The following CFAP92 variants were observed in gnomAD, a reference collection of about 807,000 sequenced individuals.
The protein encoded by CFAP92 is uncharacterized protein CFAP92.
CFAP92 carries 86 observed loss-of-function variants against 106.3 expected under a neutral mutation model. The observed-to-expected ratio is 0.81, with a 90% CI of 0.68 to 0.97. The LOEUF (loss-of-function observed/expected upper bound fraction) is 0.97, where lower values mean the gene tolerates loss of function less well. CFAP92 is among the 50% of genes least tolerant of loss of function. CFAP92 has a pLI of 0.00. For synonymous variants in CFAP92, 477 were observed against 506.4 expected, an observed-to-expected ratio of 0.94 and a Z score of 0.78; for missense variants, 1,204 against 1,283.8, an observed-to-expected ratio of 0.94 and a Z score of 0.95.
chr3:128,929,599 A>C (rs1938107525), intron 12 of CFAP92, among the ~76,000 whole-genome samples: 1 of 152,250 alleles, frequency 6.6e-6, no homozygotes, highest in Non-Finnish European at 1.5e-5. Flanking sequence ...AAAAAAGAAC[A>C]CACCGCTGAT....
upstream of CFAP92, among the ~76,000 whole-genome samples, chr3:129,003,572 A>G (rs1944905016): frequency 6.6e-6 from 1 of 150,832 alleles, no homozygotes; most frequent in Non-Finnish European, 1.5e-5. Context: ...GGGGTGGGGG[A>G]TGAGGAGGAA....
Position 128,962,641 on chromosome 3 carries a change from C to G in CFAP92, c.1353+2870G>C, listed in dbSNP as rs149724218. On this transcript the variant is annotated intron_variant, in intron 9 of 15. Coordinates refer to ENST00000645291, the MANE Select transcript of CFAP92 (RefSeq NM_001394090.1). ...CTCCTTGGCAACTGATCACGCACCC[C>G]TTACCATCTCATTAAAACCTAATCA... Among the ~76,000 whole-genome samples, 99 of 152,210 alleles carry G rather than the reference C, an allele frequency of 6.5e-4. 1 individual carries two copies. Among genetic ancestry groups the G allele is most frequent in the African/African-American group, 2.3e-3 (95 of 41,510 alleles).
upstream of CFAP92, among the ~76,000 whole-genome samples, chr3:128,998,682 A>C (rs896828135): frequency 1.4e-4 from 21 of 152,284 alleles, no homozygotes; most frequent in African/African-American, 4.8e-4. Context: ...TCTGTGGGGG[A>C]TGACAAAGCA....
At chr3:128,944,016 G>A (rs982473569) in intron 10 of CFAP92, among the ~76,000 whole-genome samples, 5 of 137,906 alleles carry the variant, frequency 3.6e-5, no homozygotes, top group East Asian at 2.3e-4. Context: ...TGCAACCTCC[G>A]CCTCCTGGGC....
At chr3:128,915,814 G>A (rs1936768889) in intron 13 of CFAP92, 1 of 494,780 alleles carries the variant, frequency 2.0e-6, no homozygotes, top group South Asian at 3.9e-5. Context: ...GTTGGTAGCT[G>A]CCTTGATAAG....
intron 1 of CFAP92, chr3:129,002,321 G>A: frequency 6.6e-7 from 1 of 1,515,810 alleles, no homozygotes; most frequent in Non-Finnish European, 8.8e-7. Flanking sequence ...GCCTAGCACT[G>A]CAGGTGCGCG....
chr3:128,960,528 CAAAAG>C (rs1419044093), intron 9 of CFAP92, among the ~76,000 whole-genome samples: 1 of 152,214 alleles, frequency 6.6e-6, no homozygotes, highest in Non-Finnish European at 1.5e-5. Flanking sequence ...CTGGTAGAGA[CAAAAG>C]AGACACGTTT....
rs1268578078 is a variant in CFAP92 at position 128,975,915 on chromosome 3, A to G, written c.897-12T>C. The G allele has an allele frequency of 2.5e-6, 4 of 1,592,194 alleles. No individual in the cohort carries two copies. The African/African-American group carries it at 5.4e-5, about 22-fold the overall frequency. On this transcript the variant is annotated splice_polypyrimidine_tract_variant and intron_variant, in intron 6 of 15. Transcript: ENST00000645291. ...TTGAAACACTCCATCTAGAAAATTC[A>G]CAAAGAGAAAAATTAATGAAGGTGA...
chr3:129,016,075 A>G, the CFAP92 span, among the ~76,000 whole-genome samples: 3 of 152,204 alleles, frequency 2.0e-5, no homozygotes, highest in Non-Finnish European at 4.4e-5. Context: ...GACATTTTTC[A>G]TCTATTCCAG....
intron 7 of CFAP92, among the ~76,000 whole-genome samples, chr3:128,971,678 A>G (rs1213164863): frequency 6.6e-6 from 1 of 152,230 alleles, no homozygotes; most frequent in Admixed American, 6.5e-5. Context: ...CTGCTAACTG[A>G]GAACACAGAC....
chr3:128,910,821 G>A lies in CFAP92; in HGVS notation c.3281-488C>T, dbSNP rs2107666780. On this transcript the variant is annotated intron_variant, in intron 15 of 15. Transcript: ENST00000645291. ...TCTCTCAGCTGGACAAGTGTGAGTG[G>A]CATGTCTTGGGGGAGGGAAGGAAGG... The A allele has an allele frequency of 6.2e-7, 1 of 1,614,076 alleles. No homozygotes were observed. The highest frequency in any genetic ancestry group is 8.5e-7 in the Non-Finnish European group (1 of 1,179,954).
chr3:129,007,608 G>A (rs944080972), upstream of CFAP92, among the ~76,000 whole-genome samples: 2 of 152,204 alleles, frequency 1.3e-5, no homozygotes, highest in African/African-American at 4.8e-5. Flanking sequence ...TCCCTCTAAG[G>A]TTGGTATTAT....
intron 4 of CFAP92, among the ~76,000 whole-genome samples, chr3:128,979,079 T>G (rs1413805242): frequency 1.3e-5 from 2 of 152,150 alleles, no homozygotes; most frequent in Non-Finnish European, 2.9e-5. Context: ...ATCCAGAATC[T>G]ACAAAGAACT....
chr3:128,980,288 T>A (rs556331380), intron 4 of CFAP92, among the ~76,000 whole-genome samples: 1 of 149,630 alleles, frequency 6.7e-6, no homozygotes, highest in African/African-American at 2.5e-5. Flanking sequence ...GGCTGCTTGA[T>A]TCTAGGAGGT....
At position 128,909,953 on chromosome 3, in the gene CFAP92, C is replaced by G. The variant is rs1410321425; in HGVS notation, c.*346G>C. The G allele has an allele frequency of 1.3e-6, 2 of 1,593,870 alleles. No individual in the cohort carries two copies. The highest frequency in any genetic ancestry group is 3.6e-5 in the Admixed American group (2 of 55,344). The stretch of plus-strand genomic sequence containing the variant: ...AGACTAAGACAGGCAAAGATGCAGC[C>G]CAGGGAGGGACCATGTGGGGGACTG... On this transcript the variant is annotated 3_prime_UTR_variant, in exon 16 of 16. Coordinates refer to ENST00000645291, the MANE Select transcript of CFAP92 (RefSeq NM_001394090.1).
intron 10 of CFAP92, among the ~76,000 whole-genome samples, chr3:128,943,708 T>C (rs1430833219): frequency 1.3e-5 from 2 of 150,700 alleles, no homozygotes; most frequent in Non-Finnish European, 3.0e-5. Flanking sequence ...GGTAAGTTTT[T>C]CTATTTTTAG....
At chr3:129,002,562 A>C in intron 1 of CFAP92, 1 of 755,082 alleles carries the variant, frequency 1.3e-6, no homozygotes, top group Non-Finnish European at 1.9e-6. Flanking sequence ...AATCACACTC[A>C]AACAACCATA....
chr3:128,935,012 T>C (rs1938831634), intron 11 of CFAP92, 113 bp downstream of exon 11: 1 of 763,170 alleles, frequency 1.3e-6, no homozygotes, highest in Non-Finnish European at 2.0e-6. Flanking sequence ...CCACCATCTG[T>C]TGGGGCCACT....
chr3:128,930,609 G>C (rs1244804763), intron 12 of CFAP92, among the ~76,000 whole-genome samples: 1 of 152,000 alleles, frequency 6.6e-6, no homozygotes, highest in Non-Finnish European at 1.5e-5. Context: ...AAATTAGGCA[G>C]GCATGGTGGT....
Sources: gnomAD v4.1 joint callset for allele counts (sites outside exome capture counted in the v4.1 genomes callset) on GRCh38, gnomAD v4.1.1 for gene constraint, MANE v1.5 for transcripts, NCBI Gene and HGNC (gene_info 2026-07-23, HGNC 2026-07-21) for gene names.